The following BMAL1 variants were observed in gnomAD, a reference collection of about 807,000 sequenced individuals.
The protein encoded by BMAL1 is basic helix-loop-helix ARNT-like protein 1.
At chr11:13,307,341 C>A in the BMAL1 span, among the ~76,000 whole-genome samples, 39 of 152,290 alleles carry the variant, frequency 2.6e-4, 1 homozygote, top group African/African-American at 9.1e-4. Flanking sequence ...GGTGTCAAGG[C>A]GGGTTCGTAG....
At chr11:13,383,503 C>T in the BMAL1 span, among the ~76,000 whole-genome samples, 1 of 152,122 alleles carries the variant, frequency 6.6e-6, no homozygotes. Flanking sequence ...TTGTATTCTT[C>T]ACCACCACAC....
At chr11:13,304,105 A>G in the BMAL1 span, among the ~76,000 whole-genome samples, 4,572 of 152,210 alleles carry the variant, frequency 0.03, 252 homozygotes, top group African/African-American at 0.1. Context: ...AAGCAGAGCC[A>G]GAACATAGAG....
At chr11:13,284,012 C>T in the BMAL1 span, among the ~76,000 whole-genome samples, 2 of 149,808 alleles carry the variant, frequency 1.3e-5, no homozygotes, top group African/African-American at 5.0e-5. Context: ...TTCAAAGGTC[C>T]CTCACCTTCG....
chr11:13,334,707 G>T, the BMAL1 span, among the ~76,000 whole-genome samples: 1 of 152,174 alleles, frequency 6.6e-6, no homozygotes, highest in African/African-American at 2.4e-5. Flanking sequence ...CAGCAGTTAC[G>T]GGGGTGGAAG....
chr11:13,278,750 C>T, the BMAL1 span, among the ~76,000 whole-genome samples: 3 of 152,236 alleles, frequency 2.0e-5, no homozygotes, highest in African/African-American at 7.2e-5. Flanking sequence ...CCTTGGAGTC[C>T]CAGAGCTCCG....
the BMAL1 span, among the ~76,000 whole-genome samples, chr11:13,289,598 G>A: frequency 6.6e-6 from 1 of 152,092 alleles, no homozygotes; most frequent in Non-Finnish European, 1.5e-5. Context: ...TGTTCTCATT[G>A]TTCAGTTCCC....
At chr11:13,357,284 G>A in the BMAL1 span, among the ~76,000 whole-genome samples, 1 of 152,226 alleles carries the variant, frequency 6.6e-6, no homozygotes, top group Non-Finnish European at 1.5e-5. The surrounding 1 kb of genome is among the most constrained non-coding windows in gnomAD (Gnocchi z 4.8). Flanking sequence ...CATACTGGCT[G>A]GCCTTTACTC....
chr11:13,361,189 G>A, the BMAL1 span, among the ~76,000 whole-genome samples: 1 of 152,138 alleles, frequency 6.6e-6, no homozygotes, highest in Non-Finnish European at 1.5e-5. Context: ...CTTGACTTGA[G>A]TGCTCTCTCT....
the BMAL1 span, among the ~76,000 whole-genome samples, chr11:13,305,364 G>T: frequency 6.6e-6 from 1 of 152,168 alleles, no homozygotes; most frequent in Non-Finnish European, 1.5e-5. Flanking sequence ...TTTACTGATT[G>T]CGAATGGGGT....
chr11:13,354,210 A>ACAC, the BMAL1 span: 2 of 273,516 alleles, frequency 7.3e-6, no homozygotes, highest in African/African-American at 1.0e-4. Context: ...GCCCCCCACC[A>ACAC]CCAAACCCCC....
the BMAL1 span, among the ~76,000 whole-genome samples, chr11:13,339,798 C>A: frequency 2.0e-5 from 3 of 152,050 alleles, no homozygotes; most frequent in African/African-American, 7.3e-5. Flanking sequence ...ACTTTCCTCC[C>A]GAGCACTTAC....
At chr11:13,366,200 T>C in the BMAL1 span, among the ~76,000 whole-genome samples, 1 of 152,228 alleles carries the variant, frequency 6.6e-6, no homozygotes, top group Non-Finnish European at 1.5e-5. Context: ...TTAGAATTAA[T>C]GTAAATTTAA....
At chr11:13,331,456 C>A in the BMAL1 span, among the ~76,000 whole-genome samples, 54 of 152,244 alleles carry the variant, frequency 3.5e-4, no homozygotes, top group African/African-American at 1.2e-3. Flanking sequence ...AGTATTGCAA[C>A]TTTGGAGGAG....
the BMAL1 span, among the ~76,000 whole-genome samples, chr11:13,344,991 G>T: frequency 6.6e-6 from 1 of 152,246 alleles, no homozygotes; most frequent in Non-Finnish European, 1.5e-5. Context: ...CACCCCTGCT[G>T]GGGATTCAGA....
At chr11:13,367,081 A>G in the BMAL1 span, among the ~76,000 whole-genome samples, 1 of 152,202 alleles carries the variant, frequency 6.6e-6, no homozygotes, top group Non-Finnish European at 1.5e-5. Context: ...AGAAAATCCC[A>G]GTTGTATGCT....
chr11:13,335,377 C>G, the BMAL1 span, among the ~76,000 whole-genome samples: 2 of 152,214 alleles, frequency 1.3e-5, no homozygotes, highest in African/African-American at 4.8e-5. Flanking sequence ...TAGCTAACCT[C>G]TCTGCCTCTT....
the BMAL1 span, among the ~76,000 whole-genome samples, chr11:13,348,285 A>G: frequency 1.3e-5 from 2 of 152,154 alleles, no homozygotes; most frequent in Non-Finnish European, 2.9e-5. Flanking sequence ...TGGGTAGCAG[A>G]TGGGAGGGTT....
the BMAL1 span, among the ~76,000 whole-genome samples, chr11:13,385,112 G>A: frequency 6.6e-6 from 1 of 152,180 alleles, no homozygotes. Flanking sequence ...GCCAGGGGAA[G>A]GCAGCTGGGG....
chr11:13,385,552 G>C, the BMAL1 span: 1 of 625,884 alleles, frequency 1.6e-6, no homozygotes, highest in Non-Finnish European at 2.8e-6. Flanking sequence ...CTGTCTAACA[G>C]TTCCTTGTTT....
Sources: allele counts gnomAD v4.1 joint callset (sites outside exome capture counted in the v4.1 genomes callset), GRCh38; gene constraint gnomAD v4.1.1; non-coding constraint Gnocchi (gnomAD v3.1); transcripts MANE v1.5; gene names NCBI Gene and HGNC (gene_info 2026-07-23, HGNC 2026-07-21).